The following OSMR variants were observed in gnomAD, a reference collection of about 807,000 sequenced individuals.
OSMR encodes oncostatin-M-specific receptor subunit beta.
Under a neutral mutation model 99.9 loss-of-function variants are expected in OSMR, and 81 were observed. The observed-to-expected ratio is 0.81, with a 90% CI of 0.68 to 0.97. The LOEUF is 0.97. Among genes scored for constraint, OSMR ranks in the 50% least tolerant of loss-of-function variants. OSMR has a pLI of 0.00. For missense variants in OSMR, 1,099 were observed against 1,153.4 expected (o/e 0.95, Z 0.68); for synonymous variants, 406 against 410.4 (o/e 0.99, Z 0.13).
At chr5:38,936,183 A>G (rs886323194), downstream of OSMR, among the ~76,000 whole-genome samples, 1 of 152,138 alleles carries the variant, frequency 6.6e-6, no homozygotes. Context: ...ACTAGCCCCA[A>G]TGGTCACTAC....
At chr5:38,886,565 GT>G (rs1743788892) in intron 7 of OSMR, 1 of 194,064 alleles carries the variant, frequency 5.2e-6, no homozygotes, top group African/African-American at 2.4e-5. Flanking sequence ...CCTTTATTTT[GT>G]TTGGTTTTAA....
chr5:38,923,732 T>A (rs1420905384), intron 13 of OSMR, among the ~76,000 whole-genome samples: 1 of 152,220 alleles, frequency 6.6e-6, no homozygotes, highest in African/African-American at 2.4e-5. Flanking sequence ...TCCCCTTCTT[T>A]AGCTGGGTGC....
intron 1 of OSMR, among the ~76,000 whole-genome samples, chr5:38,863,907 A>T (rs1380544708): frequency 2.7e-5 from 4 of 147,718 alleles, no homozygotes; most frequent in Non-Finnish European, 4.5e-5. Flanking sequence ...CCTTTATTAC[A>T]TATAACAACT....
intron 7 of OSMR, among the ~76,000 whole-genome samples, chr5:38,887,935 G>A (rs1743896225): frequency 6.6e-6 from 1 of 152,076 alleles, no homozygotes; most frequent in Non-Finnish European, 1.5e-5. Flanking sequence ...CCAATGACTG[G>A]AGGAACATCA....
intron 7 of OSMR, among the ~76,000 whole-genome samples, chr5:38,901,979 G>T (rs966850695): frequency 2.0e-5 from 3 of 152,124 alleles, no homozygotes; most frequent in Non-Finnish European, 2.9e-5. Context: ...GGCTGTATCG[G>T]GGATACTTCT....
At chr5:38,899,512 G>A (rs891784786) in intron 7 of OSMR, among the ~76,000 whole-genome samples, 1 of 152,054 alleles carries the variant, frequency 6.6e-6, no homozygotes, top group Non-Finnish European at 1.5e-5. Context: ...CACTGTAGTG[G>A]GTCTCACCTG....
intron 3 of OSMR, among the ~76,000 whole-genome samples, chr5:38,880,998 A>T (rs1399588407): frequency 6.6e-6 from 1 of 152,154 alleles, no homozygotes; most frequent in Non-Finnish European, 1.5e-5. Flanking sequence ...AGCCCAAGAG[A>T]TGGAGTGTGG....
intron 1 of OSMR, among the ~76,000 whole-genome samples, chr5:38,859,460 G>A (rs1453744354): frequency 6.6e-6 from 1 of 152,072 alleles, no homozygotes; most frequent in African/African-American, 2.4e-5. Flanking sequence ...TGGTGTATGT[G>A]TCTGTTTTTA....
chr5:38,874,741 A>C (rs1742670162), intron 2 of OSMR, among the ~76,000 whole-genome samples: 1 of 152,208 alleles, frequency 6.6e-6, no homozygotes, highest in Non-Finnish European at 1.5e-5. Flanking sequence ...ACAGGGGGAC[A>C]CAGGTGTTGG....
At chr5:38,862,932 C>G (rs902230653) in intron 1 of OSMR, among the ~76,000 whole-genome samples, 3 of 151,696 alleles carry the variant, frequency 2.0e-5, no homozygotes, top group Non-Finnish European at 4.4e-5. Flanking sequence ...GAGGCCGAGG[C>G]TGGCGGATCA....
chr5:38,862,243 G>A (rs1741463430), intron 1 of OSMR, among the ~76,000 whole-genome samples: 1 of 114,256 alleles, frequency 8.8e-6, no homozygotes, highest in African/African-American at 3.5e-5. Flanking sequence ...CTGGGCGGGG[G>A]GCTGACCCCC....
intron 1 of OSMR, among the ~76,000 whole-genome samples, chr5:38,847,589 G>A (rs1049128179): frequency 6.6e-6 from 1 of 152,098 alleles, no homozygotes; most frequent in Non-Finnish European, 1.5e-5. Flanking sequence ...CCCAAACTCC[G>A]CTGTGTCTGA....
intron 2 of OSMR, among the ~76,000 whole-genome samples, chr5:38,874,404 C>G (rs1053459886): frequency 6.6e-6 from 1 of 152,088 alleles, no homozygotes; most frequent in Non-Finnish European, 1.5e-5. Flanking sequence ...CATTGTGGCT[C>G]CCTTTCCTTT....
At chr5:38,852,611 G>A (rs1740473622) in intron 1 of OSMR, among the ~76,000 whole-genome samples, 1 of 147,478 alleles carries the variant, frequency 6.8e-6, no homozygotes, top group African/African-American at 2.5e-5. Flanking sequence ...CATGAATTAT[G>A]TATTCATGTT....
intron 1 of OSMR, among the ~76,000 whole-genome samples, chr5:38,862,048 G>C (rs1289123127): frequency 8.5e-6 from 1 of 117,660 alleles, no homozygotes; most frequent in African/African-American, 3.3e-5. Context: ...AGGGGCGGCC[G>C]GGCAGAGGCG....
At chr5:38,858,196 G>A (rs912329487) in intron 1 of OSMR, among the ~76,000 whole-genome samples, 2 of 152,106 alleles carry the variant, frequency 1.3e-5, no homozygotes, top group Non-Finnish European at 2.9e-5. Context: ...CTGTGGTGCT[G>A]TAGAACACTA....
At chr5:38,937,961 T>C (rs1747149351), downstream of OSMR, 1 of 186,958 alleles carries the variant, frequency 5.3e-6, no homozygotes, top group Non-Finnish European at 1.1e-5. This position sits in a 1 kb window ranked among gnomAD's most constrained non-coding sequence, Gnocchi z 4.0. Context: ...TGTATCCCTT[T>C]GATAAGATTA....
At chr5:38,921,870 TCA>T in intron 12 of OSMR, 76 bp downstream of exon 12, 1 of 1,265,116 alleles carries the variant, frequency 7.9e-7, no homozygotes, top group Middle Eastern at 1.8e-4. Flanking sequence ...CTGGACTACT[TCA>T]CAGACTTTGA....
At chr5:38,936,423 G>A (rs983587792), downstream of OSMR, among the ~76,000 whole-genome samples, 2 of 152,096 alleles carry the variant, frequency 1.3e-5, no homozygotes, top group Non-Finnish European at 2.9e-5. Context: ...GGCATATATG[G>A]CCTTTACATC....
Sources: gnomAD v4.1 joint callset for allele counts (sites outside exome capture counted in the v4.1 genomes callset) on GRCh38, gnomAD v4.1.1 for gene constraint, Gnocchi (gnomAD v3.1) non-coding constraint, MANE v1.5 for transcripts, NCBI Gene and HGNC (gene_info 2026-07-23, HGNC 2026-07-21) for gene names.